The following EYA4 variants were observed in gnomAD, a reference collection of about 807,000 sequenced individuals.
EYA4 encodes protein phosphatase EYA4.
EYA4 carries 31 observed loss-of-function variants against 87.9 expected under a neutral mutation model. The ratio of observed to expected loss-of-function variants is 0.35; its 90% CI spans 0.27 to 0.48. EYA4 has a LOEUF of 0.48. Among genes scored for constraint, EYA4 ranks in the 20% least tolerant of loss-of-function variants. The pLI, the probability that EYA4 is intolerant of heterozygous loss-of-function variation, is 0.99. For synonymous variants in EYA4, 263 were observed against 270.6 expected, an observed-to-expected ratio of 0.97 and a Z score of 0.28; for missense variants, 678 against 761.4, an observed-to-expected ratio of 0.89 and a Z score of 1.29.
At chr6:133,280,192 A>G (rs757712037) in intron 2 of EYA4, among the ~76,000 whole-genome samples, 1 of 152,302 alleles carries the variant, frequency 6.6e-6, no homozygotes, top group African/African-American at 2.4e-5. Context: ...ATCCAACTGA[A>G]TAACATACTT....
intron 11 of EYA4, among the ~76,000 whole-genome samples, chr6:133,473,026 A>G (rs982412239): frequency 1.3e-5 from 2 of 152,108 alleles, no homozygotes; most frequent in Non-Finnish European, 2.9e-5. Context: ...TGATACAGGA[A>G]TTATATAAAT....
chr6:133,345,266 A>T (rs1783105935), intron 2 of EYA4, among the ~76,000 whole-genome samples: 1 of 152,184 alleles, frequency 6.6e-6, no homozygotes. Context: ...TGCAGCTGTT[A>T]TGTGGAGGGA....
intron 9 of EYA4, among the ~76,000 whole-genome samples, chr6:133,463,805 C>T (rs995207794): frequency 3.3e-5 from 5 of 152,136 alleles, no homozygotes; most frequent in Non-Finnish European, 5.9e-5. Context: ...ACTGGTATGA[C>T]ATTTTGGTCA....
intron 3 of EYA4, among the ~76,000 whole-genome samples, chr6:133,392,439 A>C (rs1348217908): frequency 6.6e-6 from 1 of 152,128 alleles, no homozygotes; most frequent in Non-Finnish European, 1.5e-5. Flanking sequence ...AGAGCTCACC[A>C]ATGGATTTCT....
chr6:133,252,013 A>G (rs781450132), intron 1 of EYA4, among the ~76,000 whole-genome samples: 1 of 152,152 alleles, frequency 6.6e-6, no homozygotes, highest in Non-Finnish European at 1.5e-5. Flanking sequence ...TCTCCAGCAT[A>G]TTTTCCTTTT....
chr6:133,441,603 T>C, intron 3 of EYA4, among the ~76,000 whole-genome samples: 1 of 152,192 alleles, frequency 6.6e-6, no homozygotes, highest in Admixed American at 6.5e-5. Context: ...ATGGCTAAAC[T>C]AATTCTGATT....
chr6:133,410,494 G>A (rs903531648), intron 3 of EYA4, among the ~76,000 whole-genome samples: 1 of 148,006 alleles, frequency 6.8e-6, no homozygotes. Flanking sequence ...TACTATTAAG[G>A]TCACAAATTT....
chr6:133,380,433 C>T (rs895279559), intron 2 of EYA4, among the ~76,000 whole-genome samples: 8 of 152,006 alleles, frequency 5.3e-5, no homozygotes, highest in South Asian at 4.1e-4. Context: ...TTTGGAAAGC[C>T]GTGGGTGTTA....
In EYA4 at chr6:133,382,372, C is replaced by T. The variant is rs1240290952; in HGVS notation, c.34-20C>T. On this transcript the variant is annotated intron_variant, in intron 2 of 19. Coordinates refer to ENST00000355286, the MANE Select transcript of EYA4 (RefSeq NM_004100.5). Reference sequence around the variant, plus strand: ...AAGTTGTATTTTCATATGAGAATAACTAGTACTCTTTTCTTACAGGTAAAG... The same window carrying T: ...AAGTTGTATTTTCATATGAGAATAATTAGTACTCTTTTCTTACAGGTAAAG... 6.4e-7 allele frequency: 1 copy of T among 1,562,886 alleles called. No homozygotes were observed.
At chr6:133,512,838 C>T in intron 15 of EYA4, 40 bp from the exon 16 acceptor site, 1 of 1,612,708 alleles carries the variant, frequency 6.2e-7, no homozygotes, top group Non-Finnish European at 8.5e-7. Flanking sequence ...GAGTTTTGCA[C>T]ATGTAATTAT....
At chr6:133,373,256 G>A (rs940004190) in intron 2 of EYA4, among the ~76,000 whole-genome samples, 1 of 151,916 alleles carries the variant, frequency 6.6e-6, no homozygotes, top group Non-Finnish European at 1.5e-5. Context: ...GGCTTGTCTG[G>A]GGTCCTTTTG....
chr6:133,387,994 G>C (rs1294257049), intron 3 of EYA4, among the ~76,000 whole-genome samples: 1 of 152,160 alleles, frequency 6.6e-6, no homozygotes, highest in African/African-American at 2.4e-5. Flanking sequence ...GCTGTTAATT[G>C]TGTCTTTGAT....
chr6:133,290,864 G>T (rs1234793344), intron 2 of EYA4, among the ~76,000 whole-genome samples: 1 of 152,116 alleles, frequency 6.6e-6, no homozygotes, highest in Admixed American at 6.6e-5. Flanking sequence ...GCATACTTTT[G>T]TGTAAGTTTC....
At chr6:133,463,083 C>G (rs892455802) in intron 9 of EYA4, among the ~76,000 whole-genome samples, 24 of 152,166 alleles carry the variant, frequency 1.6e-4, no homozygotes, top group Non-Finnish European at 2.8e-4. Context: ...TTTAAAAGAT[C>G]TGTAGCACAA....
intron 2 of EYA4, among the ~76,000 whole-genome samples, chr6:133,322,218 C>A (rs369621300): frequency 1.3e-5 from 2 of 152,072 alleles, no homozygotes; most frequent in South Asian, 4.2e-4. Context: ...CACCCAGATA[C>A]CTTTGAGAGT....
chr6:133,468,110 C>G (rs1406230650), intron 10 of EYA4, among the ~76,000 whole-genome samples: 1 of 151,858 alleles, frequency 6.6e-6, no homozygotes. Context: ...CAGAAAGGAA[C>G]AAAAATCACA....
At position 133,274,711 on chromosome 6, in the gene EYA4, T is replaced by A; in HGVS notation, c.-65-5T>A. On this transcript the variant is annotated splice_region_variant and splice_polypyrimidine_tract_variant and intron_variant, in intron 1 of 19. Coordinates refer to ENST00000355286, the MANE Select transcript of EYA4 (RefSeq NM_004100.5). The stretch of plus-strand genomic sequence containing the variant: ...TTCCCCTTTGTTTCCATCTTCTTGT[T>A]TTAGATAGTCATTTTTACTTGAAGG... 1 of 1,298,810 alleles carries A rather than the reference T, an allele frequency of 7.7e-7. No homozygotes were observed. The highest frequency in any genetic ancestry group is 1.1e-6 in the Non-Finnish European group (1 of 893,204). 80.5% of individuals were successfully genotyped at this position (1,298,810 alleles called of 1,614,324 possible).
intron 14 of EYA4, among the ~76,000 whole-genome samples, chr6:133,507,993 C>T (rs942292361): frequency 1.3e-5 from 2 of 151,824 alleles, no homozygotes; most frequent in South Asian, 2.1e-4. Context: ...CCCACCAACA[C>T]GCCAGTTAGA....
intron 3 of EYA4, among the ~76,000 whole-genome samples, chr6:133,408,976 T>C (rs1788974579): frequency 6.6e-6 from 1 of 152,158 alleles, no homozygotes; most frequent in Non-Finnish European, 1.5e-5. Flanking sequence ...CTAGACTTGA[T>C]TTTGCAGACT....
Sources: gnomAD v4.1 joint callset for allele counts (sites outside exome capture counted in the v4.1 genomes callset) on GRCh38, gnomAD v4.1.1 for gene constraint, MANE v1.5 for transcripts, NCBI Gene and HGNC (gene_info 2026-07-23, HGNC 2026-07-21) for gene names.